Variants in ACP6 observed in about 807,000 individuals in gnomAD.
ACP6 encodes the protein lysophosphatidic acid phosphatase type 6.
In ACP6, 48 loss-of-function variants were observed where a neutral mutation model predicts 48.1. That is an observed-to-expected ratio of 1.00 (90% CI 0.79 to 1.27). The LOEUF (loss-of-function observed/expected upper bound fraction) is 1.27, where lower values mean the gene tolerates loss of function less well. Among genes scored for constraint, ACP6 ranks in the 50% most tolerant of loss-of-function variants. The pLI, the probability that ACP6 is intolerant of heterozygous loss-of-function variation, is 0.00. For synonymous variants in ACP6, 172 were observed against 204.2 expected (o/e 0.84, Z 1.34); for missense variants, 485 against 529.1 (o/e 0.92, Z 0.82).
chr1:147,666,092 C>T (rs587714659), intron 1 of ACP6, among the ~76,000 whole-genome samples: 4 of 152,248 alleles, frequency 2.6e-5, no homozygotes, highest in African/African-American at 7.2e-5. Flanking sequence ...ATATGTACAC[C>T]ATGAAGATCT....
At chr1:147,652,733 A>G in intron 6 of ACP6, 184 bp from the exon 7 acceptor site, 1 of 1,187,634 alleles carries the variant, frequency 8.4e-7, no homozygotes, top group Non-Finnish European at 1.2e-6. Context: ...CAAAGCTATT[A>G]CTAGATACCT....
Position 147,659,411 on chromosome 1 carries a change from T to C in ACP6, c.464A>G (p.Asn155Ser), listed in dbSNP as rs1215844337. Residue 155 changes from asparagine to serine, a missense_variant, in exon 3 of 10, where the codon AAC (asparagine) becomes AGC (serine). By Grantham distance (46) the Asn-to-Ser change is conservative (BLOSUM62 1). Coordinates refer to ENST00000583509, the MANE Select transcript of ACP6 (RefSeq NM_016361.5). ...AGTGACTCACAAGACCTCCTGTGGG[T>C]TGAAGGTTGGTGAAAGAAAGGGAAT... ...EDIPFLSPTF[N>S]PQEVFIRSTN... 6.2e-7 allele frequency: 1 copy of C among 1,614,104 alleles called. No homozygotes were observed. The highest frequency in any genetic ancestry group is 1.7e-5 in the Admixed American group (1 of 60,004).
At position 147,659,605 on chromosome 1, in the gene ACP6, C is replaced by A. The variant is rs587765008; in HGVS notation, c.348+42G>T. The A allele has an allele frequency of 7.9e-5, 127 of 1,613,602 alleles. 1 individual carries two copies. In the South Asian group the frequency reaches 1.3e-3, roughly 16 times the overall value. On this transcript the variant is annotated intron_variant, in intron 2 of 9. Transcript: ENST00000583509. ...ACTCAGCCCAGAGAAAACAACCCAA[C>A]CTTTGCAGTGGGGCTCCCCAGAGCA... is the stretch of plus-strand genomic sequence containing the variant.
chr1:147,647,532 C>A lies in ACP6; in HGVS notation c.1178G>T (p.Cys393Phe). Residue 393 changes from cysteine to phenylalanine, a missense_variant, in exon 10 of 10, where the codon TGC becomes TTC. Physicochemically the swap from Cys to Phe is radical, Grantham distance 205. Coordinates refer to ENST00000583509, the MANE Select transcript of ACP6 (RefSeq NM_016361.5). ...QVPRGCPDGL[C>F]PLDMFLNAMS... is the part of the protein sequence containing the mutation. Reference sequence around the variant, plus strand: ...GGCATTCAAGAACATGTCCAGCGGGCAGAGCCCATCAGGGCAACCTCTCGG... The same window carrying A: ...GGCATTCAAGAACATGTCCAGCGGGAAGAGCCCATCAGGGCAACCTCTCGG... The A allele has an allele frequency of 6.2e-7, 1 of 1,613,810 alleles. No homozygotes were observed. The highest frequency in any genetic ancestry group is 8.5e-7 in the Non-Finnish European group (1 of 1,179,992).
intron 6 of ACP6, among the ~76,000 whole-genome samples, chr1:147,653,874 G>A (rs1660087156): frequency 6.6e-6 from 1 of 152,034 alleles, no homozygotes; most frequent in African/African-American, 2.4e-5. Flanking sequence ...CAATAAATAA[G>A]GATTCCAAAA....
rs1553210700 is a variant in ACP6, at chr1:147,652,435, T to C, written c.881+14A>G. On this transcript the variant is annotated intron_variant, in intron 7 of 9. Coordinates refer to ENST00000583509, the MANE Select transcript of ACP6 (RefSeq NM_016361.5). ...ACCAAGCGTGACTTCATGCCAGCAG[T>C]GAGAGCCCCTCACCTGTCTTCCTTG... 1 of 1,605,210 alleles carries C rather than the reference T, an allele frequency of 6.2e-7. No individual in the cohort carries two copies. The highest frequency in any genetic ancestry group is 8.5e-7 in the Non-Finnish European group (1 of 1,175,232).
At chr1:147,657,805 T>A (rs887991208) in intron 4 of ACP6, among the ~76,000 whole-genome samples, 11 of 152,228 alleles carry the variant, frequency 7.2e-5, no homozygotes, top group African/African-American at 2.4e-4. Context: ...TCCCAACAAC[T>A]GTAGGTCCAG....
rs782686856 is a variant in ACP6 at position 147,659,544 on chromosome 1, G to C, written c.349-18C>G. 108 of 1,611,646 alleles carry C rather than the reference G, an allele frequency of 6.7e-5. 1 individual carries two copies. The highest frequency in any genetic ancestry group is 6.6e-4 in the Middle Eastern group (4 of 6,056). ...ATGCCCCCCTAAAGTAGGGAAGAAAGAGAAAGAAGAATGAAAACACCTGAC... is the reference window on the plus strand; with the variant it reads ...ATGCCCCCCTAAAGTAGGGAAGAAACAGAAAGAAGAATGAAAACACCTGAC... On this transcript the variant is annotated intron_variant, in intron 2 of 9. Coordinates refer to ENST00000583509, the MANE Select transcript of ACP6 (RefSeq NM_016361.5).
At chr1:147,658,728 G>C (rs1314556645) in intron 4 of ACP6, among the ~76,000 whole-genome samples, 1 of 152,138 alleles carries the variant, frequency 6.6e-6, no homozygotes, top group Non-Finnish European at 1.5e-5. Context: ...GAAGCCAGGA[G>C]CCAGAGGCAG....
intron 8 of ACP6, chr1:147,649,881 G>A (rs1553210176): frequency 2.0e-6 from 1 of 493,632 alleles, no homozygotes; most frequent in Non-Finnish European, 3.5e-6. Flanking sequence ...CATCATAATT[G>A]GCTACTGTTT....
rs1659558708 is a variant in ACP6, at chr1:147,644,669, T to G, written c.*2754A>C. On this transcript the variant is annotated 3_prime_UTR_variant, in exon 10 of 10. Transcript: ENST00000583509. ...AGAGAGATACAACAGGAGTTACTGA[T>G]GTAGTAGAGGTAGGATATGAGAAAA... is the stretch of plus-strand genomic sequence containing the variant. 2.0e-5 allele frequency: 3 copies of G among 152,156 alleles called. No homozygotes were observed. Among genetic ancestry groups the G allele is most frequent in the Admixed American group, 2.0e-4 (3 of 15,272 alleles). The allele number at this position is 152,156 out of a possible 1,614,324, so 9.4% of individuals were successfully genotyped here. A position where few individuals can be genotyped will look rare whatever the true frequency, so the allele number is the denominator to read the frequency against.
At chr1:147,648,466 G>C in intron 8 of ACP6, 55 bp from the exon 9 acceptor site, 2 of 1,593,742 alleles carry the variant, frequency 1.3e-6, no homozygotes, top group Non-Finnish European at 1.7e-6. Flanking sequence ...TGAAGGTCAG[G>C]ATGTGGCCTG....
chr1:147,647,330 C>G lies in ACP6; in HGVS notation c.*93G>C. 7.0e-7 allele frequency: 1 copy of G among 1,425,620 alleles called. No individual in the cohort carries two copies. The highest frequency in any genetic ancestry group is 9.6e-7 in the Non-Finnish European group (1 of 1,037,462). 88.3% of individuals were successfully genotyped at this position (1,425,620 alleles called of 1,614,324 possible). On this transcript the variant is annotated 3_prime_UTR_variant, in exon 10 of 10. Coordinates refer to ENST00000583509, the MANE Select transcript of ACP6 (RefSeq NM_016361.5). The stretch of plus-strand genomic sequence containing the variant: ...TACATTATATTAAAGTACATTACCC[C>G]TTGCTCTCTCCTCTTCCCAAACACA...
intron 8 of ACP6, among the ~76,000 whole-genome samples, chr1:147,649,255 G>A (rs1659785106): frequency 6.6e-6 from 1 of 152,176 alleles, no homozygotes; most frequent in Non-Finnish European, 1.5e-5. Flanking sequence ...TGGGGATCTT[G>A]TTAAACTGCA....
intron 1 of ACP6, among the ~76,000 whole-genome samples, chr1:147,663,331 A>T (rs1660639882): frequency 6.6e-6 from 1 of 152,182 alleles, no homozygotes; most frequent in South Asian, 2.1e-4. Context: ...ATTTTTATCA[A>T]TGGGTACAAA....
At chr1:147,632,054 A>G (rs1387216723) in intron 5 of ACP6, among the ~76,000 whole-genome samples, 1 of 151,794 alleles carries the variant, frequency 6.6e-6, no homozygotes, top group East Asian at 1.9e-4. Flanking sequence ...GACCTTACCC[A>G]CACCAGTTCT....
Position 147,649,754 on chromosome 1 carries a change from T to G in ACP6, c.977+389A>C, listed in dbSNP as rs1659818117. The stretch of plus-strand genomic sequence containing the variant: ...ACTGCACCTGGCCACTTCCAATATT[T>G]TTAAATGCCTTATGGATATCATACC... On this transcript the variant is annotated intron_variant, in intron 8 of 9. Transcript: ENST00000583509. 1.5e-5 allele frequency: 3 copies of G among 200,922 alleles called. No homozygotes were observed. The South Asian group carries it at 2.1e-4, about 14-fold the overall frequency. 12.4% of individuals were successfully genotyped at this position (200,922 alleles called of 1,614,324 possible). A position where few individuals can be genotyped will look rare whatever the true frequency, so the allele number is the denominator to read the frequency against.
chr1:147,654,226 A>C lies in ACP6; in HGVS notation c.748T>G (p.Phe250Val). The C allele has an allele frequency of 6.2e-7, 1 of 1,614,232 alleles. No homozygotes were observed. The highest frequency in any genetic ancestry group is 8.5e-7 in the Non-Finnish European group (1 of 1,180,038). ...GIDSSDKVDF[F>V]ILLDNVAAEQ... ...GCAGCCACGTTGTCCAGGAGGATGA[A>C]GAAGTCCACTTTATCACTACTGTCA... The change falls in exon 6 of 10, where the codon TTC becomes GTC. Residue 250 changes from phenylalanine (F) to valine (V), a missense_variant. Transcript: ENST00000583509.
At position 147,656,243 on chromosome 1, in the gene ACP6, C is replaced by T. The variant is rs587632433; in HGVS notation, c.560-995G>A. Among the ~76,000 whole-genome samples the T allele has an allele frequency of 1.3e-3, 205 of 152,314 alleles. 1 individual carries two copies. The highest frequency in any genetic ancestry group is 4.7e-3 in the African/African-American group (194 of 41,564). On this transcript the variant is annotated intron_variant, in intron 4 of 9. Coordinates refer to ENST00000583509, the MANE Select transcript of ACP6 (RefSeq NM_016361.5). ...CTTCAGTCCAGAACTAACCAGCAGTCGCCCTGGGAAGTCACTACCATTCTC... is the reference window on the plus strand; with the variant it reads ...CTTCAGTCCAGAACTAACCAGCAGTTGCCCTGGGAAGTCACTACCATTCTC...
Sources: gnomAD v4.1 joint callset for allele counts (sites outside exome capture counted in the v4.1 genomes callset) on GRCh38, gnomAD v4.1.1 for gene constraint, MANE v1.5 for transcripts, NCBI Gene and HGNC (gene_info 2026-07-23, HGNC 2026-07-21) for gene names.